RHBDD1: variants seen among roughly 807,000 people sequenced by gnomAD.
The protein encoded by RHBDD1 is rhomboid domain containing 1.
In RHBDD1, 38 loss-of-function variants were observed where a neutral mutation model predicts 36.3. The observed-to-expected ratio is 1.05, with a 90% confidence interval of 0.81 to 1.37. The LOEUF (loss-of-function observed/expected upper bound fraction) is 1.37, where lower values mean the gene tolerates loss of function less well. Among genes scored for constraint, RHBDD1 ranks in the 40% most tolerant of loss-of-function variants. The pLI, the probability that RHBDD1 is intolerant of heterozygous loss-of-function variation, is 0.00. For missense variants in RHBDD1, 393 were observed against 377.6 expected, an observed-to-expected ratio of 1.04 and a Z score of -0.34; for synonymous variants, 151 against 136.5, an observed-to-expected ratio of 1.11 and a Z score of -0.74.
chr2:226,958,887 T>G (rs1951981864), intron 8 of RHBDD1, among the ~76,000 whole-genome samples: 1 of 152,140 alleles, frequency 6.6e-6, no homozygotes, highest in Non-Finnish European at 1.5e-5. Context: ...ACATAAGACA[T>G]TTTTTCTTCC....
intron 3 of RHBDD1, among the ~76,000 whole-genome samples, chr2:226,861,415 C>T (rs1025177971): frequency 1.3e-5 from 2 of 152,138 alleles, no homozygotes; most frequent in South Asian, 4.1e-4. Flanking sequence ...AGAAGTAACT[C>T]AGGAAAGTGC....
At chr2:226,865,601 G>A (rs1944258431) in intron 4 of RHBDD1, among the ~76,000 whole-genome samples, 1 of 152,194 alleles carries the variant, frequency 6.6e-6, no homozygotes, top group Non-Finnish European at 1.5e-5. Flanking sequence ...AGGAGCCTAG[G>A]ATTCATCGTG....
chr2:226,857,085 A>C (rs1307507747), intron 3 of RHBDD1, among the ~76,000 whole-genome samples: 2 of 137,606 alleles, frequency 1.5e-5, no homozygotes, highest in African/African-American at 6.7e-5. Context: ...TTTCTGTAGA[A>C]AGTGTAAGAG....
chr2:226,810,240 T>A, the RHBDD1 span, among the ~76,000 whole-genome samples: 6 of 151,954 alleles, frequency 3.9e-5, no homozygotes, highest in Admixed American at 6.6e-5. Context: ...TAAAATAATC[T>A]AGAGAAAAGT....
the RHBDD1 span, among the ~76,000 whole-genome samples, chr2:226,814,931 G>C: frequency 1.3e-5 from 2 of 152,180 alleles, no homozygotes; most frequent in East Asian, 3.9e-4. Context: ...GCATGGAAGA[G>C]GAGCCCAGGG....
intron 8 of RHBDD1, among the ~76,000 whole-genome samples, chr2:226,957,071 G>T (rs932979239): frequency 6.6e-6 from 1 of 152,176 alleles, no homozygotes; most frequent in African/African-American, 2.4e-5. Flanking sequence ...AGCAAAAATC[G>T]ATTCTATATT....
At chr2:226,816,526 A>G in the RHBDD1 span, among the ~76,000 whole-genome samples, 1 of 152,200 alleles carries the variant, frequency 6.6e-6, no homozygotes, top group Non-Finnish European at 1.5e-5. Flanking sequence ...GGTCAAAGTT[A>G]AGAAATGAAT....
chr2:226,815,683 A>G, the RHBDD1 span, among the ~76,000 whole-genome samples: 9 of 152,344 alleles, frequency 5.9e-5, no homozygotes, highest in African/African-American at 2.2e-4. Context: ...ATTCTAGCTT[A>G]AGCTATTTCT....
At chr2:226,960,426 T>G (rs1003165053) in intron 8 of RHBDD1, among the ~76,000 whole-genome samples, 3 of 152,238 alleles carry the variant, frequency 2.0e-5, no homozygotes, top group Non-Finnish European at 4.4e-5. Flanking sequence ...TTTAACTGAT[T>G]GCATTGGAAT....
intron 5 of RHBDD1, among the ~76,000 whole-genome samples, chr2:226,891,887 C>T (rs1459223638): frequency 1.3e-5 from 2 of 152,206 alleles, no homozygotes; most frequent in Non-Finnish European, 2.9e-5. Flanking sequence ...GGACTGTCAT[C>T]ACTAGACTTT....
rs540629007 is a variant in RHBDD1 at position 226,952,225 on chromosome 2, G to C, written c.856+37874G>C. On this transcript the variant is annotated intron_variant, in intron 8 of 8. Coordinates refer to ENST00000392062, the MANE Select transcript of RHBDD1 (RefSeq NM_001167608.3). The stretch of plus-strand genomic sequence containing the variant: ...AAGTGAGAGGCCCACATTTATTTTT[G>C]TATCTCCCAAAAAGCTGTAGCAGAA... Among the ~76,000 whole-genome samples, 18 of 149,528 alleles carry C rather than the reference G, an allele frequency of 1.2e-4. 1 individual carries two copies. Among genetic ancestry groups the C allele is most frequent in the African/African-American group, 4.2e-4 (17 of 40,514 alleles).
At chr2:226,956,653 G>A (rs1158144377) in intron 8 of RHBDD1, among the ~76,000 whole-genome samples, 2 of 152,138 alleles carry the variant, frequency 1.3e-5, no homozygotes, top group African/African-American at 4.8e-5. Context: ...CTAATTATTA[G>A]GTTTCCTCTT....
In RHBDD1 at chr2:226,927,344, G is replaced by GT. The variant is rs570411166; in HGVS notation, c.856+13000dup. On this transcript the variant is annotated intron_variant, in intron 8 of 8. Coordinates refer to ENST00000392062, the MANE Select transcript of RHBDD1 (RefSeq NM_001167608.3). ...ATAGATATACCAGAAGTTTTTTTTT[G>GT]TTTTTTTGTTTTTTTGTTTTAATCC... Among the ~76,000 whole-genome samples the GT allele has an allele frequency of 9.9e-5, 14 of 140,882 alleles. No individual in the cohort carries two copies. The South Asian group carries it at 1.4e-3, about 14-fold the overall frequency. The allele number at this position is 140,882 out of a possible 152,430, so 92.4% of individuals were successfully genotyped here.
chr2:226,847,945 G>A (rs1051098334), intron 3 of RHBDD1, among the ~76,000 whole-genome samples: 32 of 152,322 alleles, frequency 2.1e-4, no homozygotes, highest in African/African-American at 7.2e-4. Context: ...ATCCCCTAAA[G>A]TCCTCCCAGC....
intron 8 of RHBDD1, among the ~76,000 whole-genome samples, chr2:226,937,609 A>T (rs1255788910): frequency 6.6e-6 from 1 of 152,016 alleles, no homozygotes; most frequent in Non-Finnish European, 1.5e-5. Flanking sequence ...CCACCCTCCA[A>T]TAGGCACCAT....
In RHBDD1 at chr2:226,999,050, G is replaced by A. The variant is rs1381487593; in HGVS notation, c.*3528G>A. On this transcript the variant is annotated 3_prime_UTR_variant, in exon 9 of 9. Transcript: ENST00000392062. ...CTACACAGTTTCCACATACCACTTG[G>A]AATTGCTGGTTATGCTGCAATGAGA... 1.3e-5 allele frequency: 2 copies of A among 152,238 alleles called. No individual in the cohort carries two copies. Among genetic ancestry groups the A allele is most frequent in the African/African-American group, 4.8e-5 (2 of 41,458 alleles). The allele number at this position is 152,238 out of a possible 1,614,324, so 9.4% of individuals were successfully genotyped here.
intron 3 of RHBDD1, among the ~76,000 whole-genome samples, chr2:226,855,404 T>A (rs1448073468): frequency 1.3e-5 from 2 of 152,168 alleles, no homozygotes; most frequent in Non-Finnish European, 2.9e-5. Context: ...CTTGGGAGGC[T>A]GCAGTGGGAG....
At chr2:226,821,504 T>C in the RHBDD1 span, among the ~76,000 whole-genome samples, 2 of 151,996 alleles carry the variant, frequency 1.3e-5, no homozygotes, top group Non-Finnish European at 2.9e-5. Flanking sequence ...GTTTAAGTTT[T>C]GCTCTAATTT....
intron 8 of RHBDD1, among the ~76,000 whole-genome samples, chr2:226,952,846 G>C (rs1211390223): frequency 3.9e-5 from 6 of 151,996 alleles, no homozygotes; most frequent in Non-Finnish European, 7.4e-5. Flanking sequence ...AACTAGTAAG[G>C]CATCAACAAA....
Sources: allele counts gnomAD v4.1 joint callset (sites outside exome capture counted in the v4.1 genomes callset), GRCh38; gene constraint gnomAD v4.1.1; transcripts MANE v1.5; gene names NCBI Gene and HGNC (gene_info 2026-07-23, HGNC 2026-07-21).